PINX1: variants seen among roughly 807,000 people sequenced by gnomAD.
PINX1 encodes the protein PIN2/TERF1-interacting telomerase inhibitor 1.
In PINX1, 34 loss-of-function variants were observed where a neutral mutation model predicts 25.4. That is an observed-to-expected ratio of 1.34 (90% CI 1.02 to 1.78). The LOEUF is 1.78. Ranked by LOEUF, PINX1 falls within the 40% of genes most tolerant of loss-of-function variation. The probability of loss-of-function intolerance (pLI) is 0.00; values close to 1 mark genes in which losing one functional copy is unlikely to be tolerated. For synonymous variants in PINX1, 197 were observed against 147.7 expected, an observed-to-expected ratio of 1.33 and a Z score of -2.42; for missense variants, 592 against 404.9, an observed-to-expected ratio of 1.46 and a Z score of -3.97.
chr8:10,834,395 G>C (rs1025845094), intron 2 of PINX1: 2 of 399,346 alleles, frequency 5.0e-6, no homozygotes, highest in African/African-American at 2.1e-5. Flanking sequence ...GGCTCTACTG[G>C]AGTCAAGAAT....
chr8:10,833,271 A>G (rs1798281508), intron 2 of PINX1, among the ~76,000 whole-genome samples: 1 of 152,208 alleles, frequency 6.6e-6, no homozygotes, highest in Admixed American at 6.5e-5. Context: ...GGCTTCTGCA[A>G]ATTAAGGAAT....
chr8:10,818,185 A>C (rs1008338283), intron 6 of PINX1, among the ~76,000 whole-genome samples: 2 of 152,180 alleles, frequency 1.3e-5, no homozygotes, highest in Admixed American at 1.3e-4. Flanking sequence ...AGAGAGAGAG[A>C]GATGTGACTA....
At chr8:10,835,580 C>T (rs1391739374) in intron 1 of PINX1, among the ~76,000 whole-genome samples, 5 of 152,192 alleles carry the variant, frequency 3.3e-5, no homozygotes, top group Non-Finnish European at 7.3e-5. Context: ...TTATCTGTTT[C>T]TTAACATCCA....
chr8:10,833,411 G>A (rs943643966), intron 2 of PINX1: 1 of 156,386 alleles, frequency 6.4e-6, no homozygotes, highest in African/African-American at 2.4e-5. Context: ...TATTTTAAAA[G>A]ATCATTCTGG....
chr8:10,807,784 G>C (rs1282758244), intron 6 of PINX1, among the ~76,000 whole-genome samples: 3 of 152,178 alleles, frequency 2.0e-5, no homozygotes, highest in Admixed American at 6.5e-5. Context: ...TTTTCAGAAA[G>C]CTGTGGAAGA....
At position 10,765,113 on chromosome 8, in the gene PINX1, T is replaced by G; in HGVS notation, c.*288A>C. On this transcript the variant is annotated 3_prime_UTR_variant, in exon 7 of 7. Coordinates refer to ENST00000314787, the MANE Select transcript of PINX1 (RefSeq NM_017884.6). ...ACACACGTGTGCACACTTACATGAA[T>G]GCATGTATTTGTAATGATTATAATT... 1 of 388,700 alleles carries G rather than the reference T, an allele frequency of 2.6e-6. No individual in the cohort carries two copies. Among genetic ancestry groups the G allele is most frequent in the Non-Finnish European group, 4.6e-6 (1 of 216,674 alleles). 24.1% of individuals were successfully genotyped at this position (388,700 alleles called of 1,614,324 possible).
At chr8:10,806,591 T>A (rs1802460117) in intron 6 of PINX1, among the ~76,000 whole-genome samples, 1 of 152,280 alleles carries the variant, frequency 6.6e-6, no homozygotes, top group South Asian at 2.1e-4. Flanking sequence ...CTTTCTCCAC[T>A]CCTTTCCTTC....
intron 3 of PINX1, 120 bp from the exon 4 acceptor site, chr8:10,831,863 C>G: frequency 1.5e-6 from 1 of 651,204 alleles, no homozygotes; most frequent in Non-Finnish European, 2.8e-6. Flanking sequence ...AATGTTCCAT[C>G]AAAATACTAT....
chr8:10,836,524 C>A (rs1798411907), intron 1 of PINX1, among the ~76,000 whole-genome samples: 1 of 152,230 alleles, frequency 6.6e-6, no homozygotes, highest in African/African-American at 2.4e-5. Context: ...AGCTCACGCT[C>A]TGCAGTTAAG....
intron 6 of PINX1, among the ~76,000 whole-genome samples, chr8:10,792,017 C>T (rs1022315201): frequency 6.6e-6 from 1 of 152,170 alleles, no homozygotes; most frequent in African/African-American, 2.4e-5. Context: ...TGGCCAGGAC[C>T]GCCCCCTCTC....
chr8:10,807,742 CA>C (rs898098777), intron 6 of PINX1, among the ~76,000 whole-genome samples: 7 of 152,152 alleles, frequency 4.6e-5, no homozygotes, highest in African/African-American at 1.7e-4. Context: ...CCATCTGCCA[CA>C]GTATTAATAG....
At chr8:10,781,809 G>A (rs1801595387) in intron 6 of PINX1, among the ~76,000 whole-genome samples, 1 of 152,114 alleles carries the variant, frequency 6.6e-6, no homozygotes, top group Admixed American at 6.5e-5. Context: ...TACAATTACT[G>A]TATAGCCCAG....
chr8:10,821,509 T>C (rs893025646), intron 5 of PINX1, among the ~76,000 whole-genome samples: 2 of 152,276 alleles, frequency 1.3e-5, no homozygotes, highest in South Asian at 4.1e-4. Flanking sequence ...CTGCTTTTCA[T>C]TTATGATTAA....
chr8:10,773,459 CAG>C (rs1171298659), intron 6 of PINX1, among the ~76,000 whole-genome samples: 1 of 152,170 alleles, frequency 6.6e-6, no homozygotes, highest in African/African-American at 2.4e-5. Flanking sequence ...AGTAAGTATG[CAG>C]AGATACCTTT....
At chr8:10,797,211 T>C (rs926763397) in intron 6 of PINX1, among the ~76,000 whole-genome samples, 1 of 152,224 alleles carries the variant, frequency 6.6e-6, no homozygotes, top group African/African-American at 2.4e-5. Flanking sequence ...TTAACCTTTG[T>C]CAGCTTCCTC....
intron 6 of PINX1, among the ~76,000 whole-genome samples, chr8:10,795,995 G>A (rs992613999): frequency 3.3e-5 from 5 of 152,074 alleles, no homozygotes; most frequent in East Asian, 1.9e-4. Flanking sequence ...AACTATTATC[G>A]TCACAGAAGA....
At position 10,789,633 on chromosome 8, in the gene PINX1, A is replaced by G. The variant is rs1268593684; in HGVS notation, c.472-23717T>C. Among the ~76,000 whole-genome samples, 4 of 152,376 alleles carry G rather than the reference A, an allele frequency of 2.6e-5. No individual in the cohort carries two copies. The East Asian group carries it at 7.7e-4, about 29-fold the overall frequency. On this transcript the variant is annotated intron_variant, in intron 6 of 6. Transcript: ENST00000314787. ...AATGTCCTCAAATAGCACAGGGACC[A>G]TAAACAACACATGTCACAGGCCCAG...
intron 6 of PINX1, among the ~76,000 whole-genome samples, chr8:10,789,842 G>T (rs1168583681): frequency 6.6e-6 from 1 of 152,086 alleles, no homozygotes; most frequent in Non-Finnish European, 1.5e-5. Flanking sequence ...TGGCTGTTTG[G>T]ATCATGGATT....
Position 10,826,144 on chromosome 8 carries a change from A to C in PINX1, c.394+8T>G, listed in dbSNP as rs1246020912. The C allele has an allele frequency of 6.8e-7, 1 of 1,467,330 alleles. No homozygotes were observed. 90.9% of individuals were successfully genotyped at this position (1,467,330 alleles called of 1,614,324 possible). A position where few individuals can be genotyped will look rare whatever the true frequency, so the allele number is the denominator to read the frequency against. Reference sequence around the variant, plus strand: ...TTCAATAACAAGTAAAGAAATGCTTAATCTTACCTTTTGTGAATTTCATAT... The same window carrying C: ...TTCAATAACAAGTAAAGAAATGCTTCATCTTACCTTTTGTGAATTTCATAT... On this transcript the variant is annotated splice_region_variant and intron_variant, in intron 5 of 6. Coordinates refer to ENST00000314787, the MANE Select transcript of PINX1 (RefSeq NM_017884.6).
Sources: gnomAD v4.1 joint callset for allele counts (sites outside exome capture counted in the v4.1 genomes callset) on GRCh38, gnomAD v4.1.1 for gene constraint, MANE v1.5 for transcripts, NCBI Gene and HGNC (gene_info 2026-07-23, HGNC 2026-07-21) for gene names.